Variants in RASGRP3 observed in about 807,000 individuals in gnomAD.
RASGRP3 encodes the protein RAS guanyl releasing protein 3, also known as ras guanyl-releasing protein 3.
RASGRP3 carries 54 observed loss-of-function variants against 82.7 expected under a neutral mutation model. That is an observed-to-expected ratio of 0.65 (90% CI 0.52 to 0.82). The LOEUF is 0.82. Among genes scored for constraint, RASGRP3 ranks in the 40% least tolerant of loss-of-function variants. The probability of loss-of-function intolerance (pLI) is 0.00; values close to 1 mark genes in which losing one functional copy is unlikely to be tolerated. For missense variants in RASGRP3, 861 were observed against 828.9 expected, an observed-to-expected ratio of 1.04 and a Z score of -0.48; for synonymous variants, 309 against 300.5, an observed-to-expected ratio of 1.03 and a Z score of -0.29.
At chr2:33,561,602 T>C (rs1676666845) in intron 17 of RASGRP3, among the ~76,000 whole-genome samples, 1 of 152,088 alleles carries the variant, frequency 6.6e-6, no homozygotes. Context: ...CAAAGGAGTT[T>C]GCAAATTTAA....
chr2:33,532,578 T>A (rs1673203611), intron 10 of RASGRP3: 1 of 152,220 alleles, frequency 6.6e-6, no homozygotes, highest in South Asian at 2.1e-4. Flanking sequence ...GACATGCGGA[T>A]GTTTCCTTTC....
rs1389710400 is a variant in RASGRP3, at chr2:33,540,541, CTCTGTGTGTGTGTTT to C, written c.1278+1333_1278+1347del. Reference sequence around the variant, plus strand: ...GCGGAATTTCTCTCTCTCTCTCTCTCTCTGTGTGTGTGTTTTGTGTGTGTGTGTGTGTGTGTGTGT... The same window carrying C: ...GCGGAATTTCTCTCTCTCTCTCTCTCTGTGTGTGTGTGTGTGTGTGTGTGT... On this transcript the variant is annotated intron_variant, in intron 12 of 17. Transcript: ENST00000403687. Among the ~76,000 whole-genome samples the C allele has an allele frequency of 3.0e-3, 200 of 65,878 alleles. 18 individuals carry two copies. Among genetic ancestry groups the C allele is most frequent in the Middle Eastern group, 0.025 (3 of 122 alleles). The allele number at this position is 65,878 out of a possible 152,430, so 43.2% of individuals were successfully genotyped here.
At chr2:33,534,095 C>T in intron 10 of RASGRP3, 1 of 519,572 alleles carries the variant, frequency 1.9e-6, no homozygotes, top group Non-Finnish European at 3.5e-6. Flanking sequence ...GTAAATATTG[C>T]TGAGGAATTG....
intron 17 of RASGRP3, among the ~76,000 whole-genome samples, chr2:33,561,853 A>G (rs1171272138): frequency 2.6e-5 from 4 of 152,152 alleles, no homozygotes; most frequent in Admixed American, 2.6e-4. Context: ...CTCCCCAATG[A>G]CCACTACATG....
chr2:33,515,427 T>C (rs974185532), intron 3 of RASGRP3, among the ~76,000 whole-genome samples: 17 of 152,172 alleles, frequency 1.1e-4, no homozygotes, highest in African/African-American at 4.1e-4. Context: ...CTACTTAATG[T>C]TTCTGGAACA....
intron 2 of RASGRP3, among the ~76,000 whole-genome samples, chr2:33,468,496 G>A (rs1268870245): frequency 6.6e-6 from 1 of 152,016 alleles, no homozygotes; most frequent in Non-Finnish European, 1.5e-5. Context: ...CTGCTTCCGA[G>A]GTTCAAGCGA....
intron 2 of RASGRP3, among the ~76,000 whole-genome samples, chr2:33,456,904 ATT>A (rs10660284): frequency 4.5e-5 from 6 of 134,698 alleles, no homozygotes; most frequent in African/African-American, 5.6e-5. Flanking sequence ...AGTGCTTTCT[ATT>A]TTTTTTTTTT....
chr2:33,449,603 T>C (rs1321147315), intron 2 of RASGRP3, among the ~76,000 whole-genome samples: 1 of 151,928 alleles, frequency 6.6e-6, no homozygotes. Flanking sequence ...CTACTAAAAA[T>C]ACAAAAATTA....
At chr2:33,449,482 C>A (rs111575769) in intron 2 of RASGRP3, among the ~76,000 whole-genome samples, 8 of 152,236 alleles carry the variant, frequency 5.3e-5, no homozygotes, top group African/African-American at 1.9e-4. Context: ...AATATTTAGG[C>A]CGGGCGCGGT....
At chr2:33,472,870 C>CAAAAAAAAA (rs57159320), upstream of RASGRP3, among the ~76,000 whole-genome samples, 5 of 68,092 alleles carry the variant, frequency 7.3e-5, no homozygotes, top group Non-Finnish European at 8.8e-5. Flanking sequence ...GACTCCGTCT[C>CAAAAAAAAA]AAAAAAAAAA....
chr2:33,487,302 G>T (rs1470602622), intron 1 of RASGRP3, among the ~76,000 whole-genome samples: 1 of 152,134 alleles, frequency 6.6e-6, no homozygotes, highest in African/African-American at 2.4e-5. Context: ...AGGCAATAAG[G>T]ACGACAGATC....
chr2:33,437,748 T>C (rs758541224), intron 1 of RASGRP3, among the ~76,000 whole-genome samples: 6 of 152,144 alleles, frequency 3.9e-5, no homozygotes, highest in Non-Finnish European at 8.8e-5. Flanking sequence ...ATTAGAAAAT[T>C]ATAATTCCAT....
At chr2:33,450,230 C>T (rs866343747) in intron 2 of RASGRP3, among the ~76,000 whole-genome samples, 1 of 152,150 alleles carries the variant, frequency 6.6e-6, no homozygotes, top group Non-Finnish European at 1.5e-5. Flanking sequence ...ATATACCAAT[C>T]ATTATTTTTG....
chr2:33,512,090 C>T (rs1335444626), intron 2 of RASGRP3, among the ~76,000 whole-genome samples: 1 of 152,176 alleles, frequency 6.6e-6, no homozygotes, highest in Non-Finnish European at 1.5e-5. Context: ...GAAATGAGAT[C>T]TCAGGTAAAT....
chr2:33,502,478 ACTGT>A (rs1468931566), intron 1 of RASGRP3, among the ~76,000 whole-genome samples: 5 of 148,954 alleles, frequency 3.4e-5, no homozygotes, highest in Non-Finnish European at 5.9e-5. Flanking sequence ...GTCTCTTTTA[ACTGT>A]CTCTTTCTTT....
intron 12 of RASGRP3, chr2:33,540,006 GAAAAGAA>G (rs1674093383): frequency 7.6e-6 from 1 of 132,024 alleles, no homozygotes; most frequent in Non-Finnish European, 1.6e-5. Context: ...AAAAAGAAAA[GAAAAGAA>G]AAGAAAAAAG....
chr2:33,516,708 G>C, intron 4 of RASGRP3, 64 bp downstream of exon 4: 2 of 1,132,042 alleles, frequency 1.8e-6, no homozygotes, highest in Non-Finnish European at 2.6e-6. Context: ...TAGATAGAGT[G>C]TCTATCCAAA....
intron 2 of RASGRP3, among the ~76,000 whole-genome samples, chr2:33,457,871 A>G (rs901487159): frequency 6.6e-5 from 10 of 152,206 alleles, no homozygotes; most frequent in Non-Finnish European, 1.2e-4. Context: ...TTTATAGTGA[A>G]ATTGTCAGGA....
intron 1 of RASGRP3, among the ~76,000 whole-genome samples, chr2:33,489,281 G>A (rs1206175632): frequency 6.6e-6 from 1 of 152,234 alleles, no homozygotes; most frequent in East Asian, 1.9e-4. Context: ...AGACACTTTA[G>A]ATGAGTTACA....
Sources: gnomAD v4.1 joint callset for allele counts (sites outside exome capture counted in the v4.1 genomes callset) on GRCh38, gnomAD v4.1.1 for gene constraint, MANE v1.5 for transcripts, NCBI Gene and HGNC (gene_info 2026-07-23, HGNC 2026-07-21) for gene names.